MANEA: variants seen among roughly 807,000 people sequenced by gnomAD.
MANEA encodes the protein mannosidase endo-alpha, also known as glycoprotein endo-alpha-1,2-mannosidase.
In MANEA, 25 loss-of-function variants were observed where a neutral mutation model predicts 36.8. The observed-to-expected ratio is 0.68, with a 90% CI of 0.50 to 0.95. The LOEUF is 0.95. Ranked by LOEUF, MANEA falls within the 40% of genes least tolerant of loss-of-function variation. MANEA has a pLI of 0.00. For missense variants in MANEA, 565 were observed against 558.8 expected, an observed-to-expected ratio of 1.01 and a Z score of -0.11; for synonymous variants, 198 against 188.5, an observed-to-expected ratio of 1.05 and a Z score of -0.41.
At chr6:95,578,674 A>G (rs373270228) in intron 1 of MANEA, among the ~76,000 whole-genome samples, 6 of 152,174 alleles carry the variant, frequency 3.9e-5, no homozygotes, top group African/African-American at 1.4e-4. Flanking sequence ...CAATGAAAAC[A>G]CCATTTCCAG....
Position 95,586,737 on chromosome 6 carries a change from A to G in MANEA, c.298A>G (p.Asn100Asp). The change falls in exon 2 of 5, where the codon AAC (asparagine) becomes GAC (aspartate). Residue 100 changes from asparagine to aspartate, a missense_variant. Physicochemically the swap from Asn to Asp is conservative, Grantham distance 23. Coordinates refer to ENST00000358812, the MANE Select transcript of MANEA (RefSeq NM_024641.4). The stretch of plus-strand genomic sequence containing the variant: ...TAACTTGGATGAACTACCACCTCTG[A>G]ACAATTATCTACATGTATTTTATTA... Reference protein sequence around the residue: ...ELNLDELPPLNNYLHVFYYSW... With the variant: ...ELNLDELPPLDNYLHVFYYSW... 3.1e-6 allele frequency: 5 copies of G among 1,613,898 alleles called. No homozygotes were observed. The highest frequency in any genetic ancestry group is 4.2e-6 in the Non-Finnish European group (5 of 1,179,844).
intron 1 of MANEA, among the ~76,000 whole-genome samples, chr6:95,579,425 G>T (rs943926978): frequency 9.9e-5 from 15 of 152,108 alleles, no homozygotes; most frequent in African/African-American, 3.6e-4. Flanking sequence ...CTGAATTTCT[G>T]TTAACCAGAG....
At chr6:95,582,223 G>C (rs1196831620) in intron 1 of MANEA, among the ~76,000 whole-genome samples, 1 of 121,568 alleles carries the variant, frequency 8.2e-6, no homozygotes, top group Non-Finnish European at 1.6e-5. Flanking sequence ...TTGCTCTGTC[G>C]CCGAGGCTGG....
intron 2 of MANEA, chr6:95,590,169 G>A (rs911693829): frequency 1.3e-5 from 2 of 152,142 alleles, no homozygotes; most frequent in African/African-American, 4.8e-5. Flanking sequence ...ATGCAAAACT[G>A]TAAGGTAATA....
intron 2 of MANEA, among the ~76,000 whole-genome samples, chr6:95,593,113 T>G (rs1320075343): frequency 2.0e-5 from 3 of 152,202 alleles, no homozygotes; most frequent in African/African-American, 7.2e-5. Context: ...AGATTTTACT[T>G]ATAAGTGATA....
chr6:95,586,543 C>CA lies in MANEA; in HGVS notation c.104_105insA (p.Gly37TrpfsTer7). The CA allele has an allele frequency of 6.2e-7, 1 of 1,614,016 alleles. No homozygotes were observed. On this transcript the variant is annotated frameshift_variant, in exon 2 of 5. Transcript: ENST00000358812. LOFTEE classifies it high-confidence loss of function. ...AAAATGCTGAGACCAAATACAGCTA[C>CA]TTTTGGAGCTCCTTTTGGACTTGAC...
chr6:95,579,054 C>T (rs1769128902), intron 1 of MANEA, among the ~76,000 whole-genome samples: 1 of 152,130 alleles, frequency 6.6e-6, no homozygotes, highest in Admixed American at 6.5e-5. Flanking sequence ...TGCTCAGCTT[C>T]ATCATTTGTA....
In MANEA at chr6:95,606,083, TGG is replaced by T. The variant is rs773847559; in HGVS notation, c.1069_1070del (p.Gly357ProfsTer26). Reference sequence around the variant, plus strand: ...TACAACTTAATATTTATCCCAAGTGTGGGCCCAGGATACATAGATACCAGCAT... The same window carrying T: ...TACAACTTAATATTTATCCCAAGTGTGCCCAGGATACATAGATACCAGCAT... On this transcript the variant is annotated frameshift_variant, in exon 5 of 5. Transcript: ENST00000358812. LOFTEE classifies it high-confidence loss of function. 6 of 1,613,994 alleles carry T rather than the reference TGG, an allele frequency of 3.7e-6. No homozygotes were observed. The highest frequency in any genetic ancestry group is 5.1e-6 in the Non-Finnish European group (6 of 1,179,908).
Position 95,605,887 on chromosome 6 carries a change from C to A in MANEA, c.871C>A (p.Arg291Ser). 6.2e-7 allele frequency: 1 copy of A among 1,613,900 alleles called. No homozygotes were observed. Among genetic ancestry groups the A allele is most frequent in the South Asian group, 1.1e-5 (1 of 91,066 alleles). ...AACCACCTCAGGGTCTCGGAGTATTCGCAATTCTCCTTATGATGGACTGTT... is the reference window on the plus strand; with the variant it reads ...AACCACCTCAGGGTCTCGGAGTATTAGCAATTCTCCTTATGATGGACTGTT... ...LLTTSGSRSIRNSPYDGLFIA... is the reference protein window; with the variant it reads ...LLTTSGSRSISNSPYDGLFIA... The change falls in exon 5 of 5, where the codon CGC becomes AGC. Residue 291 changes from arginine (R) to serine (S), a missense_variant. Physicochemically the swap from Arg to Ser is moderately radical, Grantham distance 110 (BLOSUM62 -1). Transcript: ENST00000358812.
intron 1 of MANEA, among the ~76,000 whole-genome samples, chr6:95,583,302 T>C (rs1769216038): frequency 6.6e-6 from 1 of 152,036 alleles, no homozygotes; most frequent in Non-Finnish European, 1.5e-5. Context: ...AAGAGTTTTA[T>C]AAATTTAAAT....
rs1223504521 is a variant in MANEA, at chr6:95,609,009, T to C, written c.*2604T>C. 1 of 148,750 alleles carries C rather than the reference T, an allele frequency of 6.7e-6. No homozygotes were observed. The allele number at this position is 148,750 out of a possible 1,614,324, so 9.2% of individuals were successfully genotyped here. Reference sequence around the variant, plus strand: ...TTAGGAAATAACTCTAATAATTCTGTTAATTCTTAGAGAGGAAAACTTTCA... The same window carrying C: ...TTAGGAAATAACTCTAATAATTCTGCTAATTCTTAGAGAGGAAAACTTTCA... On this transcript the variant is annotated 3_prime_UTR_variant, in exon 5 of 5. Transcript: ENST00000358812.
rs1386168956 is a variant in MANEA at position 95,605,744 on chromosome 6, C to G, written c.732-4C>G. ...TTTCACTTTTATATATGCTTATTTT[C>G]TAGATATGGAAATCATCCGGCCTTT... On this transcript the variant is annotated splice_region_variant and splice_polypyrimidine_tract_variant and intron_variant, in intron 4 of 4. Transcript: ENST00000358812. 6.3e-7 allele frequency: 1 copy of G among 1,597,138 alleles called. No individual in the cohort carries two copies. The highest frequency in any genetic ancestry group is 8.6e-7 in the Non-Finnish European group (1 of 1,168,480).
chr6:95,596,560 G>A (rs1299898658), intron 2 of MANEA, among the ~76,000 whole-genome samples, 177 bp from the exon 3 acceptor site: 1 of 152,056 alleles, frequency 6.6e-6, no homozygotes, highest in African/African-American at 2.4e-5. Flanking sequence ...TGATAAAGAG[G>A]TCATAAATAT....
At chr6:95,581,789 T>A (rs1489989666) in intron 1 of MANEA, among the ~76,000 whole-genome samples, 1 of 152,132 alleles carries the variant, frequency 6.6e-6, no homozygotes, top group African/African-American at 2.4e-5. Flanking sequence ...TTTATAAATC[T>A]GTTAGTTATT....
chr6:95,609,154 G>A lies in MANEA; in HGVS notation c.*2749G>A, dbSNP rs924906465. 5 of 151,570 alleles carry A rather than the reference G, an allele frequency of 3.3e-5. No homozygotes were observed. Among genetic ancestry groups the A allele is most frequent in the African/African-American group, 1.2e-4 (5 of 41,380 alleles). The allele number at this position is 151,570 out of a possible 1,614,324, so 9.4% of individuals were successfully genotyped here. On this transcript the variant is annotated 3_prime_UTR_variant, in exon 5 of 5. Transcript: ENST00000358812. Reference sequence around the variant, plus strand: ...TGTATTTCTTAATTCAAAACTATACGTTTGAATTCAATATGGTATAACTTA... The same window carrying A: ...TGTATTTCTTAATTCAAAACTATACATTTGAATTCAATATGGTATAACTTA...
intron 2 of MANEA, among the ~76,000 whole-genome samples, chr6:95,590,564 C>T (rs1242173098): frequency 6.6e-6 from 1 of 152,130 alleles, no homozygotes; most frequent in Non-Finnish European, 1.5e-5. Flanking sequence ...GAATTAGACA[C>T]ATAAAGTTTA....
intron 3 of MANEA, among the ~76,000 whole-genome samples, chr6:95,597,860 A>C (rs529343228): frequency 7.9e-5 from 12 of 152,178 alleles, no homozygotes; most frequent in African/African-American, 2.9e-4. Flanking sequence ...AATCTTTACT[A>C]TTGTCCACTT....
intron 1 of MANEA, among the ~76,000 whole-genome samples, chr6:95,580,740 AAAG>A (rs1769164934): frequency 6.6e-6 from 1 of 151,846 alleles, no homozygotes; most frequent in Admixed American, 6.6e-5. Flanking sequence ...AAAAAAAAAA[AAAG>A]AAATGACAAT....
At position 95,605,802 on chromosome 6, in the gene MANEA, T is replaced by C. The variant is rs751877411; in HGVS notation, c.786T>C (p.Leu262=). 2.5e-5 allele frequency: 40 copies of C among 1,613,556 alleles called. No homozygotes were observed. Among genetic ancestry groups the C allele is most frequent in the Non-Finnish European group, 2.9e-5 (34 of 1,179,688 alleles). Residue 262 remains leucine (L), a synonymous_variant, in exon 5 of 5, where the codon CTT becomes CTC. Transcript: ENST00000358812. ...ACAAGACGAAGACTGGCAATGCTCT[T>C]CCTATGTTTTATGTCTATGATTCCT... ...YRYKTKTGNA[L]PMFYVYDSYI...
Sources: gnomAD v4.1 joint callset for allele counts (sites outside exome capture counted in the v4.1 genomes callset) on GRCh38, gnomAD v4.1.1 for gene constraint, MANE v1.5 for transcripts, NCBI Gene and HGNC (gene_info 2026-07-23, HGNC 2026-07-21) for gene names.